The following ANKFN1 variants were observed in gnomAD, a reference collection of about 807,000 sequenced individuals.
The protein encoded by ANKFN1 is ankyrin repeat and fibronectin type-III domain-containing protein 1.
In ANKFN1, 74 loss-of-function variants were observed where a neutral mutation model predicts 108.7. That is an observed-to-expected ratio of 0.68 (90% CI 0.56 to 0.83). The LOEUF (loss-of-function observed/expected upper bound fraction) is 0.83, where lower values mean the gene tolerates loss of function less well. ANKFN1 is among the 40% of genes least tolerant of loss of function. The pLI is 0.00. For missense variants in ANKFN1, 1,505 were observed against 1,382.3 expected (o/e 1.09, Z -1.41); for synonymous variants, 547 against 516.2 (o/e 1.06, Z -0.81).
At chr17:56,481,165 G>A (rs2050689818) in intron 17 of ANKFN1, among the ~76,000 whole-genome samples, 2 of 149,666 alleles carry the variant, frequency 1.3e-5, no homozygotes, top group Admixed American at 1.3e-4. Context: ...ATAAAGCAAA[G>A]AGAACATATA....
intron 20 of ANKFN1, among the ~76,000 whole-genome samples, chr17:56,501,947 A>G (rs1467212050): frequency 6.6e-6 from 1 of 152,172 alleles, no homozygotes; most frequent in Non-Finnish European, 1.5e-5. Context: ...AGAAAGAAAT[A>G]GAAACTGAAC....
chr17:56,190,392 C>G (rs1912783804), intron 1 of ANKFN1, among the ~76,000 whole-genome samples: 1 of 109,220 alleles, frequency 9.2e-6, no homozygotes, highest in South Asian at 3.9e-4. Context: ...GAATGCGTCC[C>G]AGAGATTCTG....
intron 20 of ANKFN1, 92 bp downstream of exon 20, chr17:56,499,190 C>A: frequency 8.1e-7 from 1 of 1,240,036 alleles, no homozygotes; most frequent in Non-Finnish European, 1.1e-6. Flanking sequence ...GGTATTGGTT[C>A]CAGAAAGTGG....
At chr17:56,330,966 C>G (rs1037123130) in intron 4 of ANKFN1, among the ~76,000 whole-genome samples, 1 of 152,138 alleles carries the variant, frequency 6.6e-6, no homozygotes, top group African/African-American at 2.4e-5. Context: ...AAGGTGGCTT[C>G]CACTCTGTGT....
chr17:56,478,419 C>T (rs2050583469), intron 16 of ANKFN1, among the ~76,000 whole-genome samples: 1 of 152,140 alleles, frequency 6.6e-6, no homozygotes, highest in Non-Finnish European at 1.5e-5. Flanking sequence ...AAAAAATCTC[C>T]TCACCCTCAT....
At chr17:56,186,217 A>G (rs895030709) in intron 1 of ANKFN1, among the ~76,000 whole-genome samples, 6 of 152,242 alleles carry the variant, frequency 3.9e-5, no homozygotes, top group African/African-American at 9.6e-5. Flanking sequence ...ACAAGTACTA[A>G]TAAGAATAAA....
At chr17:56,336,268 G>C (rs980877248) in intron 4 of ANKFN1, among the ~76,000 whole-genome samples, 1 of 152,128 alleles carries the variant, frequency 6.6e-6, no homozygotes, top group Non-Finnish European at 1.5e-5. Context: ...TTTTTCTATT[G>C]ATTGGAATAG....
rs550798517 is a variant in ANKFN1, at chr17:56,493,721, G to A, written c.2427+1368G>A. Among the ~76,000 whole-genome samples, 3 of 152,180 alleles carry A rather than the reference G, an allele frequency of 2.0e-5. No homozygotes were observed. In the South Asian group the frequency reaches 6.2e-4, roughly 32 times the overall value. The stretch of plus-strand genomic sequence containing the variant: ...GTGAGGATACTCTTCCCATATAATT[G>A]GTACAGCCATACTGGTTGTTTATTA... On this transcript the variant is annotated intron_variant, in intron 19 of 20. Coordinates refer to ENST00000682825, the MANE Select transcript of ANKFN1 (RefSeq NM_001370326.1).
At chr17:56,450,183 G>A (rs1413075017) in intron 11 of ANKFN1, among the ~76,000 whole-genome samples, 1 of 152,096 alleles carries the variant, frequency 6.6e-6, no homozygotes, top group African/African-American at 2.4e-5. Context: ...GGAGTTTGAG[G>A]CTGCAGTGAG....
At chr17:56,296,077 T>A (rs188322585) in intron 3 of ANKFN1, among the ~76,000 whole-genome samples, 2 of 152,208 alleles carry the variant, frequency 1.3e-5, no homozygotes, top group Admixed American at 1.3e-4. Context: ...AAATTCAGGT[T>A]TTTTTTTCAA....
chr17:56,500,972 G>C (rs553533431), intron 20 of ANKFN1, among the ~76,000 whole-genome samples: 2 of 152,300 alleles, frequency 1.3e-5, no homozygotes, highest in East Asian at 3.9e-4. Context: ...ACAGCAGTAG[G>C]GGTGGGAGTA....
rs146746588 is a variant in ANKFN1 at position 56,299,561 on chromosome 17, C to T, written c.54-26660C>T. Among the ~76,000 whole-genome samples the T allele has an allele frequency of 8.9e-4, 135 of 152,318 alleles. 2 individuals are homozygous for T. The highest frequency in any genetic ancestry group is 4.1e-3 in the Admixed American group (62 of 15,294). On this transcript the variant is annotated intron_variant, in intron 3 of 20. Transcript: ENST00000682825. ...GCTTGCCCAGGGGACTCCCAAGGTT[C>T]TACAAGGCAGCATCCAGGTGTCTCT...
chr17:56,304,029 G>C (rs2044747585), intron 3 of ANKFN1, among the ~76,000 whole-genome samples: 1 of 151,920 alleles, frequency 6.6e-6, no homozygotes, highest in African/African-American at 2.4e-5. Flanking sequence ...GGTTCTTCTA[G>C]TGGTAACATC....
intron 4 of ANKFN1, among the ~76,000 whole-genome samples, chr17:56,108,624 G>T (rs1281966876): frequency 6.6e-6 from 1 of 152,198 alleles, no homozygotes. Context: ...AACGCAGCTA[G>T]TACAGGGCAG....
chr17:56,244,926 T>C (rs578147338), intron 3 of ANKFN1, among the ~76,000 whole-genome samples: 1 of 152,270 alleles, frequency 6.6e-6, no homozygotes, highest in East Asian at 1.9e-4. Context: ...CCTTAGTCTT[T>C]GTAATTAAGG....
rs2051803737 is a variant in ANKFN1, at chr17:56,512,414, A to G, written c.*1145A>G. On this transcript the variant is annotated 3_prime_UTR_variant, in exon 21 of 21. Coordinates refer to ENST00000682825, the MANE Select transcript of ANKFN1 (RefSeq NM_001370326.1). ...AATTTGCCTCAAAATCATCTGGCCC[A>G]ATTGGCATCAGGGAAAATATGCTCA... is the stretch of plus-strand genomic sequence containing the variant. Among the ~76,000 whole-genome samples the G allele has an allele frequency of 6.6e-6, 1 of 152,216 alleles. No homozygotes were observed. The highest frequency in any genetic ancestry group is 1.5e-5 in the Non-Finnish European group (1 of 68,034).
intron 8 of ANKFN1, among the ~76,000 whole-genome samples, chr17:56,382,991 T>G (rs1368324563): frequency 6.6e-6 from 1 of 152,186 alleles, no homozygotes; most frequent in Non-Finnish European, 1.5e-5. Flanking sequence ...AATAGACATC[T>G]ACAGAACTCT....
At chr17:56,418,842 A>G (rs2048315033) in intron 8 of ANKFN1, among the ~76,000 whole-genome samples, 1 of 151,980 alleles carries the variant, frequency 6.6e-6, no homozygotes, top group East Asian at 1.9e-4. Flanking sequence ...GAGAGTCCGA[A>G]GCCTAGGCTA....
intron 15 of ANKFN1, 91 bp from the exon 16 acceptor site, chr17:56,477,397 T>C: frequency 7.7e-7 from 1 of 1,293,708 alleles, no homozygotes; most frequent in African/African-American, 1.5e-5. Flanking sequence ...CTTTCATTCA[T>C]GACAAGCCTT....
Sources: allele counts gnomAD v4.1 joint callset (sites outside exome capture counted in the v4.1 genomes callset), GRCh38; gene constraint gnomAD v4.1.1; transcripts MANE v1.5; gene names NCBI Gene and HGNC (gene_info 2026-07-23, HGNC 2026-07-21).